The following OCA2 variants were observed in gnomAD, a reference collection of about 807,000 sequenced individuals.
OCA2 encodes the protein P protein.
In OCA2, 77 loss-of-function variants were observed where a neutral mutation model predicts 100.2. That is an observed-to-expected ratio of 0.77 (90% CI 0.64 to 0.93). The LOEUF is 0.93. Ranked by LOEUF, OCA2 falls within the 40% of genes least tolerant of loss-of-function variation. The pLI, the probability that OCA2 is intolerant of heterozygous loss-of-function variation, is 0.00. For synonymous variants in OCA2, 432 were observed against 439.2 expected (o/e 0.98, Z 0.21); for missense variants, 1,062 against 1,089.1 (o/e 0.98, Z 0.35).
At chr15:27,753,189 G>A (rs905409924), downstream of OCA2, among the ~76,000 whole-genome samples, 20 of 152,230 alleles carry the variant, frequency 1.3e-4, no homozygotes, top group African/African-American at 4.1e-4. Context: ...GGTTCCAGCA[G>A]GGGCAAGTTT....
intron 19 of OCA2, among the ~76,000 whole-genome samples, chr15:27,907,648 A>G (rs1198219584): frequency 6.6e-6 from 1 of 152,204 alleles, no homozygotes; most frequent in Non-Finnish European, 1.5e-5. Context: ...AAGCACAAAT[A>G]TTCAAAATAA....
chr15:27,921,677 C>G (rs770227621), intron 19 of OCA2, among the ~76,000 whole-genome samples: 32 of 152,134 alleles, frequency 2.1e-4, no homozygotes, highest in Non-Finnish European at 4.1e-4. Flanking sequence ...TTACCAATAA[C>G]ATAAACAGTC....
chr15:27,958,107 G>A (rs1042502204), intron 15 of OCA2, among the ~76,000 whole-genome samples: 1 of 152,108 alleles, frequency 6.6e-6, no homozygotes, highest in Non-Finnish European at 1.5e-5. Context: ...TATAAATGAC[G>A]AGTTAATGGG....
In OCA2 at chr15:27,869,064, G is replaced by A. The variant is rs552576805; in HGVS notation, c.2244+2090C>T. 3.4e-3 allele frequency among the ~76,000 whole-genome samples: 511 copies of A among 152,338 alleles called. 3 individuals are homozygous for A. The highest frequency in any genetic ancestry group is 0.012 in the African/African-American group (484 of 41,588). ...TGCATGCCGCTTCCAGCCTGAGGCA[G>A]CAAACCCCAGTGGCTCCCCATGTCC... On this transcript the variant is annotated intron_variant, in intron 21 of 23. Coordinates refer to ENST00000354638, the MANE Select transcript of OCA2 (RefSeq NM_000275.3).
intron 19 of OCA2, among the ~76,000 whole-genome samples, chr15:27,920,630 G>A (rs1422920319): frequency 6.6e-6 from 1 of 152,066 alleles, no homozygotes; most frequent in African/African-American, 2.4e-5. Flanking sequence ...AATATGTTTA[G>A]AGAATTAAAG....
intron 19 of OCA2, among the ~76,000 whole-genome samples, chr15:27,891,699 T>C (rs912986337): frequency 2.6e-5 from 4 of 152,200 alleles, no homozygotes; most frequent in African/African-American, 9.6e-5. Flanking sequence ...TTTTTACCTG[T>C]AGTTGGTTGA....
At chr15:27,870,465 C>A (rs987119126) in intron 21 of OCA2, among the ~76,000 whole-genome samples, 1 of 152,166 alleles carries the variant, frequency 6.6e-6, no homozygotes, top group Non-Finnish European at 1.5e-5. Flanking sequence ...GCAGAAGTCA[C>A]GCCAGGAACA....
At chr15:28,040,694 A>G (rs2043176732) in intron 2 of OCA2, among the ~76,000 whole-genome samples, 1 of 152,186 alleles carries the variant, frequency 6.6e-6, no homozygotes, top group Non-Finnish European at 1.5e-5. Context: ...TTATAAGAAA[A>G]TACTATGAAC....
intron 2 of OCA2, among the ~76,000 whole-genome samples, chr15:28,067,438 G>A (rs932011861): frequency 2.0e-5 from 3 of 152,098 alleles, no homozygotes; most frequent in African/African-American, 7.2e-5. Flanking sequence ...AAGTTAGATT[G>A]TTAATTTGGG....
At chr15:27,723,404 C>T in the OCA2 span, among the ~76,000 whole-genome samples, 1 of 152,094 alleles carries the variant, frequency 6.6e-6, no homozygotes, top group African/African-American at 2.4e-5. Context: ...GGTCTCCTTT[C>T]GTCCTCTTAG....
At chr15:27,748,095 G>A in the OCA2 span, among the ~76,000 whole-genome samples, 6 of 152,108 alleles carry the variant, frequency 3.9e-5, no homozygotes, top group South Asian at 2.1e-4. Context: ...AGCTGAACAC[G>A]AGTCCCACCA....
chr15:28,032,629 CA>C (rs59831968), intron 2 of OCA2, among the ~76,000 whole-genome samples: 17,789 of 140,880 alleles, frequency 0.13, 1,242 homozygotes, highest in Middle Eastern at 0.25. Context: ...ACTAAAAATA[CA>C]AAAAAAAAAA....
At chr15:27,809,984 C>T (rs1595448062) in intron 23 of OCA2, among the ~76,000 whole-genome samples, 4 of 152,128 alleles carry the variant, frequency 2.6e-5, no homozygotes, top group South Asian at 2.1e-4. Context: ...CATCAAAATG[C>T]GAACACTATT....
At chr15:27,914,545 A>C (rs2038591023) in intron 19 of OCA2, among the ~76,000 whole-genome samples, 1 of 152,192 alleles carries the variant, frequency 6.6e-6, no homozygotes, top group African/African-American at 2.4e-5. Flanking sequence ...GCTGAAAATC[A>C]GGAGCATTTT....
intron 21 of OCA2, among the ~76,000 whole-genome samples, chr15:27,862,956 C>T (rs1054778168): frequency 6.6e-6 from 1 of 152,220 alleles, no homozygotes; most frequent in African/African-American, 2.4e-5. Flanking sequence ...AGCTCCTTTT[C>T]CGCTGTGTGA....
intron 1 of OCA2, among the ~76,000 whole-genome samples, chr15:28,092,343 GA>G (rs982260632): frequency 1.2e-4 from 18 of 151,820 alleles, no homozygotes; most frequent in Non-Finnish European, 2.2e-4. Context: ...TGAATATACT[GA>G]AAAAAAACAT....
intron 18 of OCA2, among the ~76,000 whole-genome samples, chr15:27,941,050 C>A (rs2039629928): frequency 6.6e-6 from 1 of 152,008 alleles, no homozygotes; most frequent in Admixed American, 6.6e-5. Flanking sequence ...TCTCTTGGTC[C>A]CAATATTTCT....
intron 22 of OCA2, among the ~76,000 whole-genome samples, chr15:27,846,979 T>C (rs2035560260): frequency 6.6e-6 from 1 of 152,106 alleles, no homozygotes; most frequent in Non-Finnish European, 1.5e-5. Context: ...CATCCACCCA[T>C]CTTCTCAGGA....
rs760657258 is a variant in OCA2, at chr15:27,966,805, T to C, written c.1521A>G (p.Gly507=). ...ELRKMGLDFA[G]FTAHMFIGIC... is the part of the protein sequence containing the mutation. The stretch of plus-strand genomic sequence containing the variant: ...TCCCAATGAACATGTGTGCAGTGAA[T>C]CCGGCAAAGTCCAGGCCCTGGAAAT... The change falls in exon 15 of 24, where the codon GGA becomes GGG. Residue 507 remains glycine (G), a synonymous_variant. Transcript: ENST00000354638. The C allele has an allele frequency of 4.3e-6, 7 of 1,611,916 alleles. No individual in the cohort carries two copies. In the Admixed American group the frequency reaches 5.0e-5, roughly 12 times the overall value.
Sources: allele counts gnomAD v4.1 joint callset (sites outside exome capture counted in the v4.1 genomes callset), GRCh38; gene constraint gnomAD v4.1.1; transcripts MANE v1.5; gene names NCBI Gene and HGNC (gene_info 2026-07-23, HGNC 2026-07-21).